TMEM177: variants seen among roughly 807,000 people sequenced by gnomAD.
TMEM177 encodes transmembrane protein 177.
Under a neutral mutation model 14.2 loss-of-function variants are expected in TMEM177, and 4 were observed. The ratio of observed to expected loss-of-function variants is 0.28; its 90% confidence interval spans 0.14 to 0.64. TMEM177 has a LOEUF of 0.64. Among genes scored for constraint, TMEM177 ranks in the 30% least tolerant of loss-of-function variants. The pLI, the probability that TMEM177 is intolerant of heterozygous loss-of-function variation, is 0.82. For missense variants in TMEM177, 344 were observed against 405.2 expected (o/e 0.85, Z 1.30); for synonymous variants, 179 against 174.5 (o/e 1.03, Z -0.20).
the TMEM177 span, among the ~76,000 whole-genome samples, chr2:119,712,422 A>T: frequency 6.6e-6 from 1 of 152,084 alleles, no homozygotes; most frequent in Non-Finnish European, 1.5e-5. Context: ...GCCTTTAAGG[A>T]TGATTAAGTT....
At chr2:119,720,656 C>A in the TMEM177 span, among the ~76,000 whole-genome samples, 1 of 152,006 alleles carries the variant, frequency 6.6e-6, no homozygotes, top group Non-Finnish European at 1.5e-5. Context: ...TTTTTTTGGA[C>A]GCCTGAAATT....
chr2:119,715,529 T>C, the TMEM177 span, among the ~76,000 whole-genome samples: 1 of 152,024 alleles, frequency 6.6e-6, no homozygotes, highest in Non-Finnish European at 1.5e-5. Flanking sequence ...AAGTTTCGAC[T>C]CAAGATCCCC....
chr2:119,684,088 A>G (rs542782869), downstream of TMEM177, among the ~76,000 whole-genome samples: 9 of 152,280 alleles, frequency 5.9e-5, no homozygotes, highest in Admixed American at 5.9e-4. Context: ...AAAGCCCTTT[A>G]GAGACATCCC....
At chr2:119,718,735 C>T in the TMEM177 span, among the ~76,000 whole-genome samples, 2 of 152,086 alleles carry the variant, frequency 1.3e-5, no homozygotes, top group Non-Finnish European at 2.9e-5. Context: ...AGAGGAAGAG[C>T]GGCAGAAACA....
chr2:119,683,628 A>T (rs1380879961), downstream of TMEM177, among the ~76,000 whole-genome samples: 2 of 152,086 alleles, frequency 1.3e-5, no homozygotes, highest in Non-Finnish European at 2.9e-5. Context: ...CGATGGGGAG[A>T]AAAGGCTGCT....
the TMEM177 span, chr2:119,698,660 A>T: frequency 5.7e-6 from 1 of 176,242 alleles, no homozygotes; most frequent in Admixed American, 5.4e-5. Context: ...AACCCTACTA[A>T]ATCTTGCAAA....
chr2:119,706,019 A>ATATATTATATATTATGTATT, the TMEM177 span, among the ~76,000 whole-genome samples: 1 of 136,236 alleles, frequency 7.3e-6, no homozygotes, highest in Non-Finnish European at 1.5e-5. Flanking sequence ...TATTATATAT[A>ATATATTATATATTATGTATT]TTTATATATA....
At chr2:119,688,227 T>C (rs1397317136), downstream of TMEM177, among the ~76,000 whole-genome samples, 12 of 152,232 alleles carry the variant, frequency 7.9e-5, no homozygotes, top group Non-Finnish European at 2.9e-5. Flanking sequence ...ATTGCAATAA[T>C]GTAAACATGG....
At chr2:119,707,286 C>CA in the TMEM177 span, among the ~76,000 whole-genome samples, 1 of 152,154 alleles carries the variant, frequency 6.6e-6, no homozygotes, top group Non-Finnish European at 1.5e-5. Flanking sequence ...TCAGTAACCC[C>CA]AAGAGCACTG....
At chr2:119,687,994 C>A (rs1377830470), downstream of TMEM177, among the ~76,000 whole-genome samples, 2 of 152,254 alleles carry the variant, frequency 1.3e-5, no homozygotes, top group East Asian at 3.9e-4. Context: ...CCCATAGAAA[C>A]TGAATACTAC....
chr2:119,699,595 A>G, the TMEM177 span, among the ~76,000 whole-genome samples: 3 of 152,136 alleles, frequency 2.0e-5, no homozygotes, highest in Non-Finnish European at 4.4e-5. Flanking sequence ...GCTCCTCCCC[A>G]CTGCAAAAGG....
At chr2:119,706,890 T>A in the TMEM177 span, among the ~76,000 whole-genome samples, 1 of 151,784 alleles carries the variant, frequency 6.6e-6, no homozygotes, top group East Asian at 1.9e-4. Context: ...CTTGCCTTTT[T>A]ATTTTATTTA....
At chr2:119,706,623 T>A in the TMEM177 span, among the ~76,000 whole-genome samples, 1 of 152,136 alleles carries the variant, frequency 6.6e-6, no homozygotes, top group Non-Finnish European at 1.5e-5. Flanking sequence ...TTGCTTTGAA[T>A]CAGGTATGTA....
the TMEM177 span, among the ~76,000 whole-genome samples, chr2:119,713,061 G>T: frequency 6.9e-6 from 1 of 145,644 alleles, no homozygotes; most frequent in African/African-American, 2.6e-5. Context: ...CCAAACTTAT[G>T]ATAATGGTTT....
Position 119,682,044 on chromosome 2 carries a change from G to T in TMEM177, c.*255G>T. The T allele has an allele frequency of 2.2e-6, 1 of 456,594 alleles. No individual in the cohort carries two copies. The highest frequency in any genetic ancestry group is 3.6e-5 in the East Asian group (1 of 27,824). The allele number at this position is 456,594 out of a possible 1,614,324, so 28.3% of individuals were successfully genotyped here. On this transcript the variant is annotated 3_prime_UTR_variant, in exon 2 of 2. Transcript: ENST00000272521. ...ATGATGTAAACCGCCTTGCAAGATTGTAGAGTTGGGTAAGGTCATGAACAT... is the reference window on the plus strand; with the variant it reads ...ATGATGTAAACCGCCTTGCAAGATTTTAGAGTTGGGTAAGGTCATGAACAT...
the TMEM177 span, among the ~76,000 whole-genome samples, chr2:119,713,029 A>G: frequency 6.6e-6 from 1 of 151,938 alleles, no homozygotes; most frequent in African/African-American, 2.4e-5. Context: ...AAGCATGAAG[A>G]TTTGCCTAGA....
At chr2:119,715,153 C>A in the TMEM177 span, among the ~76,000 whole-genome samples, 1 of 152,262 alleles carries the variant, frequency 6.6e-6, no homozygotes, top group Admixed American at 6.5e-5. Context: ...GAGGCCAAGG[C>A]AGGAGGATCA....
chr2:119,719,018 C>T, the TMEM177 span, among the ~76,000 whole-genome samples: 1 of 152,162 alleles, frequency 6.6e-6, no homozygotes, highest in African/African-American at 2.4e-5. Flanking sequence ...TTCTAACAAG[C>T]TCCTGGGTGA....
At chr2:119,687,855 A>G (rs184963855), downstream of TMEM177, among the ~76,000 whole-genome samples, 10 of 152,330 alleles carry the variant, frequency 6.6e-5, no homozygotes, top group Non-Finnish European at 1.2e-4. Context: ...ATGCAGAAAT[A>G]GATAACTCAT....
Sources: allele counts gnomAD v4.1 joint callset (sites outside exome capture counted in the v4.1 genomes callset), GRCh38; gene constraint gnomAD v4.1.1; transcripts MANE v1.5; gene names NCBI Gene and HGNC (gene_info 2026-07-23, HGNC 2026-07-21).